SLC35F1: variants seen among roughly 807,000 people sequenced by gnomAD.
SLC35F1 encodes solute carrier family 35 member F1.
SLC35F1 carries 14 observed loss-of-function variants against 48.7 expected under a neutral mutation model. The ratio of observed to expected loss-of-function variants is 0.29; its 90% CI spans 0.19 to 0.45. The LOEUF is 0.45. Ranked by LOEUF, SLC35F1 falls within the 20% of genes least tolerant of loss-of-function variation. The pLI is 1.00. For missense variants in SLC35F1, 404 were observed against 500.0 expected (o/e 0.81, Z 1.83); for synonymous variants, 190 against 202.2 (o/e 0.94, Z 0.51).
At chr6:117,988,293 T>C (rs1293976210) in intron 1 of SLC35F1, among the ~76,000 whole-genome samples, 1 of 152,228 alleles carries the variant, frequency 6.6e-6, no homozygotes, top group Non-Finnish European at 1.5e-5. Flanking sequence ...GGAGACAAGA[T>C]GGTGGACTTT....
At chr6:118,273,229 C>A (rs1030901404) in intron 4 of SLC35F1, among the ~76,000 whole-genome samples, 1 of 152,042 alleles carries the variant, frequency 6.6e-6, no homozygotes, top group Non-Finnish European at 1.5e-5. Context: ...ACAGAAGAGG[C>A]CATAACAGTG....
At chr6:118,311,518 G>A (rs1479926082) in intron 7 of SLC35F1, among the ~76,000 whole-genome samples, 1 of 152,242 alleles carries the variant, frequency 6.6e-6, no homozygotes, top group African/African-American at 2.4e-5. Flanking sequence ...GGCCAGGCGC[G>A]ATGGCCCACG....
chr6:117,965,455 A>G (rs1365980389), intron 1 of SLC35F1, among the ~76,000 whole-genome samples: 1 of 152,220 alleles, frequency 6.6e-6, no homozygotes, highest in Non-Finnish European at 1.5e-5. Context: ...GCTGCTGCCA[A>G]AGCAGAAGTT....
chr6:118,163,629 C>T (rs1486490581), intron 2 of SLC35F1, among the ~76,000 whole-genome samples: 1 of 152,206 alleles, frequency 6.6e-6, no homozygotes, highest in East Asian at 1.9e-4. Context: ...TCTATCCATG[C>T]TGAGAGCTAG....
chr6:118,158,927 T>A (rs1170580245), intron 2 of SLC35F1, among the ~76,000 whole-genome samples: 2 of 152,086 alleles, frequency 1.3e-5, no homozygotes, highest in African/African-American at 2.4e-5. Context: ...CTAAAATTTT[T>A]AAAAAATGCT....
At chr6:117,957,691 A>G (rs1776443930) in intron 1 of SLC35F1, among the ~76,000 whole-genome samples, 2 of 152,216 alleles carry the variant, frequency 1.3e-5, no homozygotes, top group African/African-American at 4.8e-5. Context: ...AAAAATTTCT[A>G]TCGCCTAATG....
intron 1 of SLC35F1, among the ~76,000 whole-genome samples, chr6:118,071,608 C>T (rs1261242884): frequency 6.6e-6 from 1 of 152,106 alleles, no homozygotes; most frequent in Non-Finnish European, 1.5e-5. Context: ...CCCTAGAGCA[C>T]ATCACCAGAA....
At chr6:118,138,355 A>G (rs2114436441) in intron 1 of SLC35F1, among the ~76,000 whole-genome samples, 1 of 152,202 alleles carries the variant, frequency 6.6e-6, no homozygotes, top group Admixed American at 6.5e-5. Flanking sequence ...CCACAGGAGG[A>G]AAATCACATA....
chr6:118,214,191 A>T (rs543875023), intron 2 of SLC35F1, among the ~76,000 whole-genome samples: 4 of 152,216 alleles, frequency 2.6e-5, no homozygotes, highest in African/African-American at 9.6e-5. Context: ...AGCAACAAAA[A>T]TGTATTTAAA....
intron 1 of SLC35F1, among the ~76,000 whole-genome samples, chr6:118,097,563 A>G (rs1240037457): frequency 2.0e-5 from 3 of 152,210 alleles, no homozygotes; most frequent in Admixed American, 6.5e-5. Context: ...TCTAAATGTC[A>G]GCTGTCATGA....
rs1776425348 is a variant in SLC35F1, at chr6:118,315,627, GAT to G, written c.*1376_*1377del. 1 of 151,822 alleles carries G rather than the reference GAT, an allele frequency of 6.6e-6. No individual in the cohort carries two copies. Among genetic ancestry groups the G allele is most frequent in the African/African-American group, 2.4e-5 (1 of 41,308 alleles). 9.4% of individuals were successfully genotyped at this position (151,822 alleles called of 1,614,324 possible). A position where few individuals can be genotyped will look rare whatever the true frequency, so the allele number is the denominator to read the frequency against. On this transcript the variant is annotated 3_prime_UTR_variant, in exon 8 of 8. Coordinates refer to ENST00000360388, the MANE Select transcript of SLC35F1 (RefSeq NM_001029858.4). ...GCTAATTTTTTGTATTTTTAGTAGAGATGGGGTTTCACCGTGTTAGCCAGGAT... is the reference window on the plus strand; with the variant it reads ...GCTAATTTTTTGTATTTTTAGTAGAGGGGGTTTCACCGTGTTAGCCAGGAT...
chr6:117,994,038 C>T (rs1438453599), intron 1 of SLC35F1, among the ~76,000 whole-genome samples: 1 of 152,122 alleles, frequency 6.6e-6, no homozygotes, highest in Non-Finnish European at 1.5e-5. Flanking sequence ...CTGAGCTCTT[C>T]TCTGCAGGCG....
At chr6:117,998,039 G>A (rs1249099722) in intron 1 of SLC35F1, among the ~76,000 whole-genome samples, 1 of 147,854 alleles carries the variant, frequency 6.8e-6, no homozygotes, top group African/African-American at 2.5e-5. Context: ...CATCTCACGT[G>A]CAGAGACACA....
intron 1 of SLC35F1, among the ~76,000 whole-genome samples, chr6:117,998,172 CAAAG>C (rs1232599013): frequency 1.3e-5 from 2 of 148,958 alleles, no homozygotes; most frequent in Non-Finnish European, 3.0e-5. Context: ...TCAAAAGAGA[CAAAG>C]AAGGCCATTA....
intron 1 of SLC35F1, among the ~76,000 whole-genome samples, chr6:118,119,317 A>G (rs527368992): frequency 1.7e-4 from 26 of 152,158 alleles, no homozygotes; most frequent in Non-Finnish European, 3.4e-4. Context: ...GCTGTCTAGA[A>G]CATGATAATT....
intron 7 of SLC35F1, among the ~76,000 whole-genome samples, chr6:118,298,867 T>C (rs283067): frequency 6.6e-6 from 1 of 152,026 alleles, no homozygotes; most frequent in Non-Finnish European, 1.5e-5. Context: ...CTCCTCTGAC[T>C]TCTTTACTCA....
intron 1 of SLC35F1, among the ~76,000 whole-genome samples, chr6:117,913,111 C>T (rs182873823): frequency 3.9e-5 from 6 of 152,164 alleles, no homozygotes; most frequent in African/African-American, 1.4e-4. Flanking sequence ...AGTACCACCA[C>T]CAGATTTTAG....
At chr6:117,969,280 T>A (rs1404066645) in intron 1 of SLC35F1, among the ~76,000 whole-genome samples, 5 of 152,250 alleles carry the variant, frequency 3.3e-5, no homozygotes. Flanking sequence ...ATATATTTTT[T>A]ATTTGTGTCC....
intron 1 of SLC35F1, among the ~76,000 whole-genome samples, chr6:117,958,099 C>T (rs1345936595): frequency 6.6e-6 from 1 of 151,548 alleles, no homozygotes; most frequent in Admixed American, 6.6e-5. Flanking sequence ...TAGACCTAGA[C>T]TAATGTGTGT....
Sources: gnomAD v4.1 joint callset for allele counts (sites outside exome capture counted in the v4.1 genomes callset) on GRCh38, gnomAD v4.1.1 for gene constraint, MANE v1.5 for transcripts, NCBI Gene and HGNC (gene_info 2026-07-23, HGNC 2026-07-21) for gene names.